The following SYT17 variants were observed in gnomAD, a reference collection of about 807,000 sequenced individuals.
The protein encoded by SYT17 is synaptotagmin 17.
In SYT17, 22 loss-of-function variants were observed where a neutral mutation model predicts 46.7. The ratio of observed to expected loss-of-function variants is 0.47; its 90% CI spans 0.34 to 0.67. The LOEUF is 0.67. Among genes scored for constraint, SYT17 ranks in the 30% least tolerant of loss-of-function variants. The probability of loss-of-function intolerance (pLI) is 0.01; values close to 1 mark genes in which losing one functional copy is unlikely to be tolerated. For synonymous variants in SYT17, 251 were observed against 248.4 expected (o/e 1.01, Z -0.10); for missense variants, 519 against 612.8 (o/e 0.85, Z 1.62).
chr16:19,245,693 G>A (rs920759060), intron 7 of SYT17, among the ~76,000 whole-genome samples: 4 of 152,154 alleles, frequency 2.6e-5, no homozygotes, highest in African/African-American at 4.8e-5. Flanking sequence ...CCATAAAAAC[G>A]TAGGCAAACA....
chr16:19,193,794 T>C (rs1281691376), intron 5 of SYT17, among the ~76,000 whole-genome samples: 1 of 152,124 alleles, frequency 6.6e-6, no homozygotes, highest in East Asian at 1.9e-4. Flanking sequence ...AGCTGGGGTA[T>C]TTATTCACCG....
chr16:19,229,571 C>T (rs1478651128), intron 7 of SYT17, among the ~76,000 whole-genome samples: 1 of 152,168 alleles, frequency 6.6e-6, no homozygotes, highest in African/African-American at 2.4e-5. Flanking sequence ...TTAGTGTTTA[C>T]AATTTCACAT....
intron 7 of SYT17, among the ~76,000 whole-genome samples, chr16:19,262,510 A>G (rs1263232644): frequency 6.6e-6 from 1 of 152,206 alleles, no homozygotes; most frequent in East Asian, 1.9e-4. Flanking sequence ...AGAAAGGGGA[A>G]AGAGTCCTCT....
At chr16:19,263,267 C>G (rs967586382) in intron 7 of SYT17, among the ~76,000 whole-genome samples, 1 of 152,112 alleles carries the variant, frequency 6.6e-6, no homozygotes, top group East Asian at 1.9e-4. Context: ...CCTTGATAAC[C>G]ACTAATGGTA....
chr16:19,172,571 A>G (rs1317420328), intron 1 of SYT17, 189 bp from the exon 2 acceptor site: 11 of 1,516,244 alleles, frequency 7.3e-6, no homozygotes, highest in Non-Finnish European at 9.6e-6. Flanking sequence ...GAAAATAGCA[A>G]CACCTTGTTA....
rs1227429234 is a variant in SYT17, at chr16:19,252,494, CAT to C, written c.1229-14376_1229-14375del. On this transcript the variant is annotated intron_variant, in intron 7 of 7. Coordinates refer to ENST00000355377, the MANE Select transcript of SYT17 (RefSeq NM_016524.4). The stretch of plus-strand genomic sequence containing the variant: ...ACATATATATATACATATATATATA[CAT>C]ATATATATACATATATATATACATA... Among the ~76,000 whole-genome samples the C allele has an allele frequency of 1.2e-3, 16 of 13,124 alleles. 4 individuals carry two copies. The highest frequency in any genetic ancestry group is 2.7e-3 in the African/African-American group (5 of 1,840). The allele number at this position is 13,124 out of a possible 152,430, so 8.6% of individuals were successfully genotyped here.
chr16:19,207,113 C>T (rs547949140), intron 5 of SYT17, among the ~76,000 whole-genome samples: 16 of 152,226 alleles, frequency 1.1e-4, no homozygotes, highest in African/African-American at 3.6e-4. Context: ...TGCTTCCTCT[C>T]GTGCCCTGTG....
At chr16:19,199,119 T>C (rs1037571411) in intron 5 of SYT17, among the ~76,000 whole-genome samples, 2 of 152,184 alleles carry the variant, frequency 1.3e-5, no homozygotes, top group African/African-American at 4.8e-5. Context: ...TTCTGGGCTA[T>C]AAACATGAGT....
intron 7 of SYT17, among the ~76,000 whole-genome samples, chr16:19,259,667 A>G (rs929567106): frequency 1.4e-5 from 2 of 147,492 alleles, no homozygotes; most frequent in Middle Eastern, 3.5e-3. Flanking sequence ...TGTGACATCA[A>G]TTCTGAATGT....
At chr16:19,211,280 G>A (rs1965888590) in intron 5 of SYT17, 1 of 570,928 alleles carries the variant, frequency 1.8e-6, no homozygotes, top group Non-Finnish European at 3.2e-6. Context: ...TTCTGTGGGG[G>A]TTGGATAGGA....
intron 5 of SYT17, among the ~76,000 whole-genome samples, chr16:19,191,660 G>A (rs1252322627): frequency 6.6e-6 from 1 of 152,204 alleles, no homozygotes; most frequent in East Asian, 1.9e-4. Flanking sequence ...TAGATGGATA[G>A]GGAAGAAGCA....
intron 7 of SYT17, among the ~76,000 whole-genome samples, chr16:19,238,434 C>T (rs889937912): frequency 6.6e-6 from 1 of 152,204 alleles, no homozygotes; most frequent in African/African-American, 2.4e-5. Flanking sequence ...ACCTGTTACC[C>T]TGGGGTTCTC....
chr16:19,170,656 C>T (rs1964046029), intron 1 of SYT17: 1 of 152,130 alleles, frequency 6.6e-6, no homozygotes, highest in Non-Finnish European at 1.5e-5. Context: ...CATGAGGTGA[C>T]CTTGTCTCTG....
intron 5 of SYT17, among the ~76,000 whole-genome samples, chr16:19,206,714 A>G (rs1965685686): frequency 6.6e-6 from 1 of 151,596 alleles, no homozygotes; most frequent in Non-Finnish European, 1.5e-5. Context: ...TCCAGCCTCC[A>G]CCTCTGTCCT....
At position 19,188,079 on chromosome 16, in the gene SYT17, C is replaced by T. The variant is rs536930882; in HGVS notation, c.951+3932C>T. 1.2e-4 allele frequency among the ~76,000 whole-genome samples: 19 copies of T among 152,224 alleles called. No individual in the cohort carries two copies. The South Asian group carries it at 4.0e-3, about 32-fold the overall frequency. ...ATTCACAATAGCAAAGGCATGGAAT[C>T]GACCTAAATGTCCATCAGTGATAGA... On this transcript the variant is annotated intron_variant, in intron 5 of 7. Coordinates refer to ENST00000355377, the MANE Select transcript of SYT17 (RefSeq NM_016524.4).
intron 7 of SYT17, among the ~76,000 whole-genome samples, chr16:19,229,332 A>G (rs574381956): frequency 6.6e-6 from 1 of 152,214 alleles, no homozygotes; most frequent in East Asian, 1.9e-4. Flanking sequence ...TTGGCTTCCC[A>G]GGAGGCCTCA....
intron 7 of SYT17, chr16:19,249,866 A>T: frequency 6.8e-7 from 1 of 1,467,150 alleles, no homozygotes; most frequent in South Asian, 1.3e-5. Context: ...GGGGCTCCAT[A>T]CTTTCATCCA....
At chr16:19,205,673 C>T (rs866414455) in intron 5 of SYT17, among the ~76,000 whole-genome samples, 1 of 152,198 alleles carries the variant, frequency 6.6e-6, no homozygotes, top group Middle Eastern at 3.4e-3. Flanking sequence ...GTAGAGGCAG[C>T]GTTTCACCAT....
chr16:19,232,057 C>T (rs991194010), intron 7 of SYT17, among the ~76,000 whole-genome samples: 25 of 152,114 alleles, frequency 1.6e-4, no homozygotes, highest in Admixed American at 9.8e-4. Context: ...AGAGGTCGGC[C>T]GGGCTCCCGC....
Sources: allele counts gnomAD v4.1 joint callset (sites outside exome capture counted in the v4.1 genomes callset), GRCh38; gene constraint gnomAD v4.1.1; transcripts MANE v1.5; gene names NCBI Gene and HGNC (gene_info 2026-07-23, HGNC 2026-07-21).